ALG14: variants seen among roughly 807,000 people sequenced by gnomAD.
The protein encoded by ALG14 is UDP-N-acetylglucosamine transferase subunit ALG14.
A neutral mutation model predicts 22.8 loss-of-function variants in ALG14; 17 were observed. That is an observed-to-expected ratio of 0.75 (90% CI 0.51 to 1.12). The LOEUF (loss-of-function observed/expected upper bound fraction) is 1.12. ALG14 is among the 50% of genes most tolerant of loss of function. The pLI is 0.00. For missense variants in ALG14, 288 were observed against 271.8 expected, an observed-to-expected ratio of 1.06 and a Z score of -0.42; for synonymous variants, 89 against 103.7, an observed-to-expected ratio of 0.86 and a Z score of 0.86.
intron 3 of ALG14, among the ~76,000 whole-genome samples, chr1:95,016,990 T>A (rs996192068): frequency 7.2e-5 from 10 of 138,528 alleles, no homozygotes; most frequent in Non-Finnish European, 1.4e-4. Flanking sequence ...TGTGTGTGTG[T>A]GTGTGTAGTG....
At chr1:95,055,768 G>A (rs899730208) in intron 2 of ALG14, among the ~76,000 whole-genome samples, 12 of 149,524 alleles carry the variant, frequency 8.0e-5, no homozygotes, top group Admixed American at 2.0e-4. Flanking sequence ...CCAGGCGGGC[G>A]GATCACGAGG....
At position 94,981,290 on chromosome 1, in the gene ALG14, C is replaced by T. The variant is rs1571567832; in HGVS notation, c.*1786G>A. 6.6e-6 allele frequency: 1 copy of T among 152,252 alleles called. No individual in the cohort carries two copies. Among genetic ancestry groups the T allele is most frequent in the African/African-American group, 2.4e-5 (1 of 41,532 alleles). 9.4% of individuals were successfully genotyped at this position (152,252 alleles called of 1,614,324 possible). ...AGGATTAAAATCAAAGCACAATGAACTATCATTTGGCTGCCCCAGGCCCAC... is the reference window on the plus strand; with the variant it reads ...AGGATTAAAATCAAAGCACAATGAATTATCATTTGGCTGCCCCAGGCCCAC... On this transcript the variant is annotated 3_prime_UTR_variant, in exon 4 of 4. Coordinates refer to ENST00000370205, the MANE Select transcript of ALG14 (RefSeq NM_144988.4).
chr1:95,002,150 A>AT (rs1263779988), intron 3 of ALG14, among the ~76,000 whole-genome samples: 2 of 151,582 alleles, frequency 1.3e-5, no homozygotes, highest in Non-Finnish European at 2.9e-5. Flanking sequence ...CTGATAATCT[A>AT]TTTTTCTACA....
At chr1:95,050,832 T>C (rs1244066753) in intron 2 of ALG14, among the ~76,000 whole-genome samples, 1 of 152,014 alleles carries the variant, frequency 6.6e-6, no homozygotes, top group Admixed American at 6.6e-5. Context: ...GTTAGTCTTC[T>C]TCTATTTTCT....
chr1:94,996,831 A>ATG (rs1672921284), intron 3 of ALG14, among the ~76,000 whole-genome samples: 1 of 151,952 alleles, frequency 6.6e-6, no homozygotes, highest in Non-Finnish European at 1.5e-5. Flanking sequence ...ACAGGTGCCC[A>ATG]CCACCATGCC....
At chr1:95,070,127 C>A (rs958193112) in intron 1 of ALG14, among the ~76,000 whole-genome samples, 2 of 152,116 alleles carry the variant, frequency 1.3e-5, no homozygotes, top group South Asian at 4.1e-4. Context: ...GAGGGCCCTA[C>A]CCCACATCCA....
intron 2 of ALG14, among the ~76,000 whole-genome samples, chr1:95,043,856 G>A (rs1328823479): frequency 6.6e-6 from 1 of 151,798 alleles, no homozygotes; most frequent in Non-Finnish European, 1.5e-5. Context: ...AGAGGGAGAA[G>A]GGAATGAGGG....
intron 3 of ALG14, among the ~76,000 whole-genome samples, chr1:95,023,871 C>T (rs561748663): frequency 6.6e-6 from 1 of 152,068 alleles, no homozygotes; most frequent in African/African-American, 2.4e-5. Context: ...TTTGTGATGA[C>T]TCACTTAATC....
In ALG14 at chr1:95,038,411, C is replaced by T. The variant is rs1323929917; in HGVS notation, c.289-11151G>A. Among the ~76,000 whole-genome samples, 5 of 152,084 alleles carry T rather than the reference C, an allele frequency of 3.3e-5. No individual in the cohort carries two copies. The East Asian group carries it at 9.7e-4, about 29-fold the overall frequency. ...GGCTGAGGCAGGAGAATTGCTTAAACCCAGGAGGAGGAAGTTGCAGTGAGC... is the reference window on the plus strand; with the variant it reads ...GGCTGAGGCAGGAGAATTGCTTAAATCCAGGAGGAGGAAGTTGCAGTGAGC... On this transcript the variant is annotated intron_variant, in intron 2 of 3. Transcript: ENST00000370205.
chr1:94,989,564 C>A (rs185453978), intron 3 of ALG14, among the ~76,000 whole-genome samples: 120 of 152,266 alleles, frequency 7.9e-4, no homozygotes, highest in African/African-American at 2.7e-3. Flanking sequence ...CTGGAGGAGA[C>A]TCTGTTCTGG....
rs113059731 is a variant in ALG14, at chr1:95,028,419, G to A, written c.289-1159C>T. Among the ~76,000 whole-genome samples, 230 of 152,252 alleles carry A rather than the reference G, an allele frequency of 1.5e-3. 1 individual carries two copies. The highest frequency in any genetic ancestry group is 5.4e-3 in the African/African-American group (225 of 41,542). ...TCGCCATGTTGCCCAGTCTGGTCCT[G>A]AACTTCTGGGCTCAAGTGATCTACC... On this transcript the variant is annotated intron_variant, in intron 2 of 3. Transcript: ENST00000370205.
intron 3 of ALG14, among the ~76,000 whole-genome samples, chr1:95,011,714 C>T (rs570596361): frequency 3.2e-4 from 48 of 151,964 alleles, no homozygotes; most frequent in African/African-American, 1.1e-3. Context: ...CGTGCCCAGC[C>T]GAAAAATAAA....
rs977557493 is a variant in ALG14 at position 94,975,685 on chromosome 1, G to C, written c.*7391C>G. ...TTTTCTTGGACTATAGCCACCCTAG[G>C]GGGTTGCTGCCCTTAGTTTAAAAAG... On this transcript the variant is annotated 3_prime_UTR_variant, in exon 4 of 4. Coordinates refer to ENST00000370205, the MANE Select transcript of ALG14 (RefSeq NM_144988.4). The C allele has an allele frequency of 4.6e-5, 7 of 152,146 alleles. No homozygotes were observed. The highest frequency in any genetic ancestry group is 9.7e-5 in the African/African-American group (4 of 41,400). 9.4% of individuals were successfully genotyped at this position (152,146 alleles called of 1,614,324 possible). A position where few individuals can be genotyped will look rare whatever the true frequency, so the allele number is the denominator to read the frequency against.
intron 2 of ALG14, among the ~76,000 whole-genome samples, chr1:95,027,488 T>C (rs1673857501): frequency 6.6e-6 from 1 of 152,206 alleles, no homozygotes; most frequent in Non-Finnish European, 1.5e-5. Context: ...TAAAGCCAGT[T>C]TGAACAATAA....
chr1:95,030,869 G>A (rs1025267674), intron 2 of ALG14, among the ~76,000 whole-genome samples: 1 of 152,188 alleles, frequency 6.6e-6, no homozygotes, highest in Admixed American at 6.5e-5. Context: ...ATAGAAACTA[G>A]TGCAAGCATG....
chr1:95,065,943 G>A (rs908503250), intron 1 of ALG14, among the ~76,000 whole-genome samples: 2 of 152,178 alleles, frequency 1.3e-5, no homozygotes, highest in South Asian at 2.1e-4. Flanking sequence ...ATCTATAAAC[G>A]ATTTAAGCAC....
At position 94,995,670 on chromosome 1, in the gene ALG14, T is replaced by C. The variant is rs191259884; in HGVS notation, c.421-12364A>G. On this transcript the variant is annotated intron_variant, in intron 3 of 3. Coordinates refer to ENST00000370205, the MANE Select transcript of ALG14 (RefSeq NM_144988.4). Reference sequence around the variant, plus strand: ...CAGAGGATGCAGTGAGCTGAGATCGTGCCATTGCACTCCAGCCTGGGTGAC... The same window carrying C: ...CAGAGGATGCAGTGAGCTGAGATCGCGCCATTGCACTCCAGCCTGGGTGAC... 3.3e-3 allele frequency among the ~76,000 whole-genome samples: 496 copies of C among 152,334 alleles called. 1 individual carries two copies. The highest frequency in any genetic ancestry group is 0.011 in the African/African-American group (477 of 41,578).
intron 2 of ALG14, 88 bp downstream of exon 2, chr1:95,064,778 G>T: frequency 1.6e-6 from 2 of 1,262,448 alleles, no homozygotes; most frequent in Non-Finnish European, 2.2e-6. Context: ...TGTGGGTAGG[G>T]CACTGAAGTG....
intron 2 of ALG14, among the ~76,000 whole-genome samples, chr1:95,033,480 T>C (rs1347496356): frequency 2.0e-5 from 3 of 150,908 alleles, no homozygotes; most frequent in East Asian, 1.9e-4. Context: ...CATATATATA[T>C]ACACAAATAT....
Sources: gnomAD v4.1 joint callset for allele counts (sites outside exome capture counted in the v4.1 genomes callset) on GRCh38, gnomAD v4.1.1 for gene constraint, MANE v1.5 for transcripts, NCBI Gene and HGNC (gene_info 2026-07-23, HGNC 2026-07-21) for gene names.